Variants in EML1 observed in about 807,000 individuals in gnomAD.
The protein encoded by EML1 is EMAP like 1, also known as echinoderm microtubule-associated protein-like 1.
In EML1, 27 loss-of-function variants were observed where a neutral mutation model predicts 110.4. That is an observed-to-expected ratio of 0.24 (90% confidence interval 0.18 to 0.34). The LOEUF (loss-of-function observed/expected upper bound fraction) is 0.34. EML1 is among the 10% of genes least tolerant of loss of function. The pLI, the probability that EML1 is intolerant of heterozygous loss-of-function variation, is 1.00. For synonymous variants in EML1, 344 were observed against 385.8 expected (o/e 0.89, Z 1.27); for missense variants, 741 against 1,030.9 (o/e 0.72, Z 3.85).
At position 99,762,848 on chromosome 14, in the gene EML1, T is replaced by A. The variant is rs148088274; in HGVS notation, c.28+24988T>A. Among the ~76,000 whole-genome samples, 128 of 152,294 alleles carry A rather than the reference T, an allele frequency of 8.4e-4. 2 individuals are homozygous for A. The East Asian group carries it at 0.014, about 17-fold the overall frequency. On this transcript the variant is annotated intron_variant, in intron 1 of 10. Transcript: ENST00000554479. ...ACTAGAGACATGGAGAAACTGGAAC[T>A]CACACATGTTACTGGTAGAAGATAA...
chr14:99,793,212 C>A, upstream of EML1: 1 of 474,136 alleles, frequency 2.1e-6, no homozygotes, highest in Non-Finnish European at 2.7e-6. Flanking sequence ...CGCGGGGAGG[C>A]TCGGCCCCGC....
chr14:99,762,212 C>G (rs2057321492), intron 1 of EML1, among the ~76,000 whole-genome samples: 1 of 152,140 alleles, frequency 6.6e-6, no homozygotes, highest in Non-Finnish European at 1.5e-5. Flanking sequence ...ACCTGTGCCA[C>G]TGAATTGCTT....
Position 99,932,646 on chromosome 14 carries a change from TA to T in EML1, c.1910-3366del, listed in dbSNP as rs10681463. ...TGGGCAACAGAGCAAGACTCCATCT[TA>T]AAAAAAAAAAAAAAAAGATATGGCG... is the stretch of plus-strand genomic sequence containing the variant. On this transcript the variant is annotated intron_variant, in intron 17 of 21. Transcript: ENST00000262233. Among the ~76,000 whole-genome samples the T allele has an allele frequency of 1.4e-3, 186 of 134,300 alleles. 1 individual carries two copies. The highest frequency in any genetic ancestry group is 2.8e-3 in the African/African-American group (99 of 35,006). The allele number at this position is 134,300 out of a possible 152,430, so 88.1% of individuals were successfully genotyped here.
intron 1 of EML1, among the ~76,000 whole-genome samples, chr14:99,811,694 C>T (rs1273221922): frequency 6.6e-6 from 1 of 150,504 alleles, no homozygotes; most frequent in Non-Finnish European, 1.5e-5. Flanking sequence ...ACCTATAGTC[C>T]CAGCTACTTA....
rs573431816 is a variant in EML1, at chr14:99,930,942, A to G, written c.1910-5087A>G. Among the ~76,000 whole-genome samples, 3 of 152,286 alleles carry G rather than the reference A, an allele frequency of 2.0e-5. No individual in the cohort carries two copies. In the South Asian group the frequency reaches 6.2e-4, roughly 32 times the overall value. On this transcript the variant is annotated intron_variant, in intron 17 of 21. Transcript: ENST00000262233. ...GTGTTTCTCTTCTTTGATCTTATCC[A>G]TGTCATTGTTTGAAAGGTGGGGCTT...
chr14:99,835,958 G>A (rs771098961), intron 1 of EML1, among the ~76,000 whole-genome samples: 1 of 152,160 alleles, frequency 6.6e-6, no homozygotes, highest in Non-Finnish European at 1.5e-5. Context: ...CTTAAAGTCA[G>A]GTAGTGTCAG....
rs1442141423 is a variant in EML1, at chr14:99,889,534, G to A, written c.519-1665G>A. Among the ~76,000 whole-genome samples the A allele has an allele frequency of 2.0e-5, 3 of 152,180 alleles. 1 individual carries two copies. The highest frequency in any genetic ancestry group is 1.3e-4 in the Admixed American group (2 of 15,268). ...TAGAGAAAAATAAAGCAGGAGGGGCGGGGGCTGTGGCGAGCAGGGCGTGAG... is the reference window on the plus strand; with the variant it reads ...TAGAGAAAAATAAAGCAGGAGGGGCAGGGGCTGTGGCGAGCAGGGCGTGAG... On this transcript the variant is annotated intron_variant, in intron 4 of 21. Coordinates refer to ENST00000262233, the MANE Select transcript of EML1 (RefSeq NM_004434.3).
intron 1 of EML1, among the ~76,000 whole-genome samples, chr14:99,746,288 AAAG>A (rs1286403667): frequency 6.6e-6 from 1 of 152,124 alleles, no homozygotes; most frequent in Non-Finnish European, 1.5e-5. Flanking sequence ...ACTCTTTTCC[AAAG>A]AAGGGAGCTG....
At chr14:99,888,287 G>A (rs1201270623) in intron 4 of EML1, among the ~76,000 whole-genome samples, 3 of 152,186 alleles carry the variant, frequency 2.0e-5, no homozygotes, top group Non-Finnish European at 4.4e-5. Flanking sequence ...CCTGTATGAA[G>A]CGTTCAGATT....
Position 99,818,453 on chromosome 14 carries a change from C to T in EML1, c.67+24910C>T, listed in dbSNP as rs145598042. Among the ~76,000 whole-genome samples the T allele has an allele frequency of 2.8e-3, 431 of 151,966 alleles. 2 individuals carry two copies. Among genetic ancestry groups the T allele is most frequent in the South Asian group, 6.0e-3 (29 of 4,798 alleles). ...TTGATGATTGATTCAATGTAGAGGGCAAAAAATATGGAATCAGTCAAAGAT... is the reference window on the plus strand; with the variant it reads ...TTGATGATTGATTCAATGTAGAGGGTAAAAAATATGGAATCAGTCAAAGAT... On this transcript the variant is annotated intron_variant, in intron 1 of 21. Coordinates refer to ENST00000262233, the MANE Select transcript of EML1 (RefSeq NM_004434.3).
intron 5 of EML1, among the ~76,000 whole-genome samples, chr14:99,892,756 A>G (rs1222672404): frequency 6.6e-6 from 1 of 152,336 alleles, no homozygotes; most frequent in East Asian, 1.9e-4. Flanking sequence ...TGATAGACTC[A>G]TGTGGATATT....
chr14:99,930,872 AAGAG>A (rs796900522), intron 17 of EML1, among the ~76,000 whole-genome samples: 22 of 152,316 alleles, frequency 1.4e-4, no homozygotes, highest in African/African-American at 5.1e-4. Flanking sequence ...GTGAAGATGA[AAGAG>A]AGAAGCCCAG....
At chr14:99,745,849 G>A (rs1388472460) in intron 1 of EML1, among the ~76,000 whole-genome samples, 6 of 152,204 alleles carry the variant, frequency 3.9e-5, no homozygotes, top group Non-Finnish European at 5.9e-5. Context: ...CTCTGTGGAC[G>A]CTTACTGAGC....
At chr14:99,759,968 G>A (rs182723784) in intron 1 of EML1, among the ~76,000 whole-genome samples, 7 of 151,594 alleles carry the variant, frequency 4.6e-5, no homozygotes, top group Admixed American at 2.0e-4. Flanking sequence ...TTAGCCGGGC[G>A]TGGTGGCGGG....
intron 1 of EML1, among the ~76,000 whole-genome samples, chr14:99,757,317 C>T (rs1231149073): frequency 1.1e-4 from 16 of 147,418 alleles, no homozygotes; most frequent in African/African-American, 3.5e-4. Context: ...CCAGCCTGGG[C>T]GACAGAGCAC....
intron 11 of EML1, among the ~76,000 whole-genome samples, chr14:99,909,962 C>T (rs916021211): frequency 2.6e-5 from 4 of 152,132 alleles, no homozygotes; most frequent in South Asian, 2.1e-4. Flanking sequence ...CCCTTCTCCC[C>T]GGTCAGTACC....
intron 1 of EML1, among the ~76,000 whole-genome samples, chr14:99,767,330 A>G (rs1032290582): frequency 6.6e-6 from 1 of 152,214 alleles, no homozygotes; most frequent in Non-Finnish European, 1.5e-5. Context: ...TTGGCCGGGC[A>G]CGGTGGCTCA....
intron 1 of EML1, among the ~76,000 whole-genome samples, chr14:99,743,653 GCACT>G (rs2057070681): frequency 6.6e-6 from 1 of 152,150 alleles, no homozygotes; most frequent in Non-Finnish European, 1.5e-5. Flanking sequence ...TCTCAGCCCT[GCACT>G]CACTCGGCAC....
At chr14:99,874,390 A>C (rs899849764) in intron 3 of EML1, among the ~76,000 whole-genome samples, 2 of 152,248 alleles carry the variant, frequency 1.3e-5, no homozygotes, top group African/African-American at 4.8e-5. Flanking sequence ...GCACTAAAAA[A>C]TATACTGCAT....
Sources: allele counts gnomAD v4.1 joint callset (sites outside exome capture counted in the v4.1 genomes callset), GRCh38; gene constraint gnomAD v4.1.1; transcripts MANE v1.5; gene names NCBI Gene and HGNC (gene_info 2026-07-23, HGNC 2026-07-21).